CPQ: variants seen among roughly 807,000 people sequenced by gnomAD.
The protein encoded by CPQ is carboxypeptidase Q.
In CPQ, 37 loss-of-function variants were observed where a neutral mutation model predicts 45.7. The ratio of observed to expected loss-of-function variants is 0.81; its 90% CI spans 0.62 to 1.07. The LOEUF (loss-of-function observed/expected upper bound fraction) is 1.07. Ranked by LOEUF, CPQ falls within the 50% of genes least tolerant of loss-of-function variation. The probability of loss-of-function intolerance (pLI) is 0.00; values close to 1 mark genes in which losing one functional copy is unlikely to be tolerated. For synonymous variants in CPQ, 186 were observed against 205.8 expected (o/e 0.90, Z 0.82); for missense variants, 537 against 572.9 (o/e 0.94, Z 0.64).
intron 1 of CPQ, chr8:96,761,564 G>C (rs1012451446): frequency 3.3e-5 from 5 of 152,174 alleles, no homozygotes; most frequent in African/African-American, 1.2e-4. Context: ...TACTGAGAGA[G>C]GTGGACTAGA....
chr8:96,863,087 C>G (rs16884), intron 3 of CPQ, among the ~76,000 whole-genome samples: 73,211 of 151,940 alleles, frequency 0.48, 18,170 homozygotes, highest in East Asian at 0.65. Context: ...TTTTGAGATT[C>G]TGTTACATGC....
At chr8:97,036,006 C>T (rs934826422) in intron 6 of CPQ, among the ~76,000 whole-genome samples, 5 of 152,164 alleles carry the variant, frequency 3.3e-5, no homozygotes, top group African/African-American at 4.8e-5. Flanking sequence ...CATGCCCGGC[C>T]GCCTTAAGAC....
intron 3 of CPQ, among the ~76,000 whole-genome samples, chr8:96,850,740 G>A (rs567831012): frequency 1.8e-4 from 27 of 152,026 alleles, no homozygotes; most frequent in Non-Finnish European, 3.4e-4. Context: ...CTCCCTAGTA[G>A]CTGGGATTAC....
At position 96,893,314 on chromosome 8, in the gene CPQ, A is replaced by G. The variant is rs533653734; in HGVS notation, c.849+13309A>G. Among the ~76,000 whole-genome samples the G allele has an allele frequency of 5.3e-5, 8 of 152,354 alleles. No individual in the cohort carries two copies. In the East Asian group the frequency reaches 1.5e-3, roughly 29 times the overall value. On this transcript the variant is annotated intron_variant, in intron 4 of 7. Transcript: ENST00000220763. Reference sequence around the variant, plus strand: ...ATCAACAGCAACTAATGCTTGTTGAACAACTACTATGTGCAGGACGCTATG... The same window carrying G: ...ATCAACAGCAACTAATGCTTGTTGAGCAACTACTATGTGCAGGACGCTATG...
At chr8:96,772,894 A>G (rs1653772795) in intron 1 of CPQ, among the ~76,000 whole-genome samples, 1 of 152,198 alleles carries the variant, frequency 6.6e-6, no homozygotes, top group Admixed American at 6.5e-5. Flanking sequence ...AAGTGCTAAC[A>G]TGGAGTGTAA....
intron 7 of CPQ, among the ~76,000 whole-genome samples, chr8:97,098,252 T>C (rs1811242121): frequency 6.6e-6 from 1 of 152,176 alleles, no homozygotes; most frequent in Non-Finnish European, 1.5e-5. Flanking sequence ...AATCCCACCA[T>C]GAACCAAGCA....
intron 7 of CPQ, among the ~76,000 whole-genome samples, chr8:97,102,112 T>G (rs1811322594): frequency 6.6e-6 from 1 of 152,168 alleles, no homozygotes; most frequent in African/African-American, 2.4e-5. Context: ...ATCCTGCTTC[T>G]TTTTAAAATG....
chr8:96,904,622 G>A (rs1467144288), intron 4 of CPQ, among the ~76,000 whole-genome samples: 1 of 152,114 alleles, frequency 6.6e-6, no homozygotes, highest in East Asian at 1.9e-4. Context: ...CACCACAGAT[G>A]CTTTTTAAAA....
intron 1 of CPQ, among the ~76,000 whole-genome samples, chr8:96,690,227 C>G (rs1809288651): frequency 6.6e-6 from 1 of 152,000 alleles, no homozygotes. Flanking sequence ...CTATTTTCTC[C>G]TTTTGTGGCT....
At chr8:96,782,460 G>A (rs762377553) in intron 1 of CPQ, among the ~76,000 whole-genome samples, 1 of 152,108 alleles carries the variant, frequency 6.6e-6, no homozygotes, top group East Asian at 1.9e-4. Context: ...AGGTCCCCTG[G>A]GTGCCTCTTT....
intron 4 of CPQ, among the ~76,000 whole-genome samples, chr8:96,914,839 A>T (rs1812711605): frequency 6.6e-6 from 1 of 152,144 alleles, no homozygotes; most frequent in South Asian, 2.1e-4. Flanking sequence ...GTTTGGAAAA[A>T]TTTGTTGATG....
chr8:97,125,084 T>G (rs1811825215), intron 7 of CPQ, among the ~76,000 whole-genome samples: 1 of 152,062 alleles, frequency 6.6e-6, no homozygotes, highest in African/African-American at 2.4e-5. Context: ...TACACATACG[T>G]CATTAAAAGG....
At chr8:96,645,805 A>G (rs905431507) in intron 1 of CPQ, among the ~76,000 whole-genome samples, 3 of 151,266 alleles carry the variant, frequency 2.0e-5, no homozygotes, top group Non-Finnish European at 4.4e-5. Context: ...TGAGCCTCCA[A>G]TATGCCTTAT....
At chr8:97,054,956 G>T (rs1810426812) in intron 6 of CPQ, among the ~76,000 whole-genome samples, 1 of 152,086 alleles carries the variant, frequency 6.6e-6, no homozygotes, top group African/African-American at 2.4e-5. Flanking sequence ...AGTTCAGGGG[G>T]GAAGTCTACA....
intron 6 of CPQ, among the ~76,000 whole-genome samples, chr8:97,035,171 G>T (rs1586505863): frequency 6.6e-6 from 1 of 152,294 alleles, no homozygotes; most frequent in African/African-American, 2.4e-5. Context: ...GATTACAGGT[G>T]TGAGCCACCA....
At chr8:96,889,515 T>C (rs927616975) in intron 4 of CPQ, among the ~76,000 whole-genome samples, 1 of 152,114 alleles carries the variant, frequency 6.6e-6, no homozygotes, top group African/African-American at 2.4e-5. Flanking sequence ...AGGATATATG[T>C]GTATATGAAC....
At chr8:97,065,925 A>G in intron 6 of CPQ, 84 bp from the exon 7 acceptor site, 1 of 1,341,764 alleles carries the variant, frequency 7.5e-7, no homozygotes, top group Non-Finnish European at 1.1e-6. Flanking sequence ...GAGGTAAAGT[A>G]TTTGGTAATT....
intron 1 of CPQ, among the ~76,000 whole-genome samples, chr8:96,648,804 G>C (rs1025562777): frequency 4.6e-5 from 7 of 152,280 alleles, no homozygotes; most frequent in Middle Eastern, 3.4e-3. Context: ...TCCAAGAATG[G>C]AGAACAACAA....
At chr8:96,744,239 C>A (rs535758698) in intron 1 of CPQ, among the ~76,000 whole-genome samples, 2 of 152,304 alleles carry the variant, frequency 1.3e-5, no homozygotes, top group African/African-American at 4.8e-5. Context: ...ACCCGATTTT[C>A]CAGATGCCGT....
Sources: allele counts gnomAD v4.1 joint callset (sites outside exome capture counted in the v4.1 genomes callset), GRCh38; gene constraint gnomAD v4.1.1; transcripts MANE v1.5; gene names NCBI Gene and HGNC (gene_info 2026-07-23, HGNC 2026-07-21).